The following WWOX variants were observed in gnomAD, a reference collection of about 807,000 sequenced individuals.
WWOX encodes the protein WW domain-containing oxidoreductase.
Under a neutral mutation model 46.2 loss-of-function variants are expected in WWOX, and 69 were observed. That is an observed-to-expected ratio of 1.49 (90% confidence interval 1.23 to 1.82). The LOEUF is 1.82. Ranked by LOEUF, WWOX falls within the 40% of genes most tolerant of loss-of-function variation. The pLI is 0.00. For missense variants in WWOX, 919 were observed against 542.6 expected (o/e 1.69, Z -6.89); for synonymous variants, 359 against 202.6 (o/e 1.77, Z -6.56).
chr16:78,541,758 G>T (rs145099488), intron 8 of WWOX, among the ~76,000 whole-genome samples: 1 of 151,858 alleles, frequency 6.6e-6, no homozygotes, highest in African/African-American at 2.4e-5. Context: ...ACCTCCCAGG[G>T]TTATATGTCA....
intron 5 of WWOX, among the ~76,000 whole-genome samples, chr16:78,242,152 C>G (rs1433003983): frequency 6.6e-6 from 1 of 152,116 alleles, no homozygotes; most frequent in South Asian, 2.1e-4. Context: ...GCTTCTGCCT[C>G]GGGTAGAAAT....
intron 5 of WWOX, among the ~76,000 whole-genome samples, chr16:78,271,943 G>C (rs1188576917): frequency 6.6e-6 from 1 of 152,142 alleles, no homozygotes; most frequent in Non-Finnish European, 1.5e-5. Context: ...TGTGCAGCCA[G>C]GTCAGGCAGA....
At chr16:78,479,030 C>G (rs2084423536) in intron 8 of WWOX, among the ~76,000 whole-genome samples, 1 of 152,070 alleles carries the variant, frequency 6.6e-6, no homozygotes, top group African/African-American at 2.4e-5. Context: ...GTAGGAATCA[C>G]CAATTTAGAT....
intron 8 of WWOX, among the ~76,000 whole-genome samples, chr16:79,163,394 C>G (rs1230936795): frequency 2.0e-5 from 3 of 152,152 alleles, no homozygotes; most frequent in African/African-American, 7.2e-5. Context: ...TAGGAATCGT[C>G]ATTAAGGCGC....
chr16:78,803,351 C>G (rs2050945896), intron 8 of WWOX, among the ~76,000 whole-genome samples: 1 of 151,802 alleles, frequency 6.6e-6, no homozygotes, highest in African/African-American at 2.4e-5. Context: ...GCTCTTCATT[C>G]TCAAGTGTAG....
At chr16:78,731,311 C>G (rs1015668270) in intron 8 of WWOX, among the ~76,000 whole-genome samples, 3 of 152,100 alleles carry the variant, frequency 2.0e-5, no homozygotes, top group Non-Finnish European at 2.9e-5. Context: ...ATGAAGCTGC[C>G]AATTCCTCTG....
chr16:78,832,240 G>T (rs1455456013), intron 8 of WWOX, among the ~76,000 whole-genome samples: 3 of 152,154 alleles, frequency 2.0e-5, no homozygotes, highest in Admixed American at 2.0e-4. Context: ...GGAGGCCTCA[G>T]TTCTTCACCA....
At chr16:78,667,670 CAAA>C (rs35375082) in intron 8 of WWOX, among the ~76,000 whole-genome samples, 45 of 61,302 alleles carry the variant, frequency 7.3e-4, no homozygotes, top group African/African-American at 2.2e-3. Flanking sequence ...GACTCCGTCT[CAAA>C]AAAAAAAAAA....
At chr16:78,352,526 A>G (rs2081206281) in intron 5 of WWOX, among the ~76,000 whole-genome samples, 1 of 152,150 alleles carries the variant, frequency 6.6e-6, no homozygotes, top group African/African-American at 2.4e-5. Flanking sequence ...AGTCCTTCTC[A>G]AACTGCCCTG....
At chr16:78,934,525 A>AG (rs2045695267) in intron 8 of WWOX, among the ~76,000 whole-genome samples, 1 of 150,398 alleles carries the variant, frequency 6.6e-6, no homozygotes, top group African/African-American at 2.4e-5. Flanking sequence ...AAAAAAAAAA[A>AG]AAAAAAGAAA....
intron 5 of WWOX, among the ~76,000 whole-genome samples, chr16:78,315,059 ATCAT>A (rs1567494838): frequency 6.6e-6 from 1 of 151,968 alleles, no homozygotes; most frequent in African/African-American, 2.4e-5. Flanking sequence ...CCATCTATCA[ATCAT>A]CTATCATCTA....
chr16:78,719,405 G>A (rs1186758583), intron 8 of WWOX, among the ~76,000 whole-genome samples: 2 of 152,212 alleles, frequency 1.3e-5, no homozygotes, highest in Admixed American at 1.3e-4. Context: ...ACAATAATCA[G>A]AAGCTTGCCT....
chr16:78,595,677 T>A (rs192358475), intron 8 of WWOX, among the ~76,000 whole-genome samples: 1 of 152,332 alleles, frequency 6.6e-6, no homozygotes, highest in African/African-American at 2.4e-5. Context: ...GGCCCTAGGA[T>A]GGCTCCTCAG....
At chr16:78,478,173 G>A (rs1279661752) in intron 8 of WWOX, among the ~76,000 whole-genome samples, 2 of 152,094 alleles carry the variant, frequency 1.3e-5, no homozygotes, top group African/African-American at 2.4e-5. Flanking sequence ...CAATTTTGAG[G>A]TTGTATACAA....
At position 78,438,123 on chromosome 16, in the gene WWOX, G is replaced by T. The variant is rs543850643; in HGVS notation, c.1056+5371G>T. Among the ~76,000 whole-genome samples, 18 of 152,214 alleles carry T rather than the reference G, an allele frequency of 1.2e-4. No homozygotes were observed. The East Asian group carries it at 3.5e-3, about 29-fold the overall frequency. On this transcript the variant is annotated intron_variant, in intron 8 of 8. Coordinates refer to ENST00000566780, the MANE Select transcript of WWOX (RefSeq NM_016373.4). Reference sequence around the variant, plus strand: ...ACACTTCCAAATAGAGATGCAGATTGACCATTTTCCCAGATACCACGATGC... The same window carrying T: ...ACACTTCCAAATAGAGATGCAGATTTACCATTTTCCCAGATACCACGATGC...
chr16:78,898,710 A>G (rs2044757288), intron 8 of WWOX: 1 of 152,152 alleles, frequency 6.6e-6, no homozygotes, highest in Non-Finnish European at 1.5e-5. Flanking sequence ...GAGGAGGATC[A>G]AAATCCTGAA....
chr16:79,117,047 AT>A (rs138859793), intron 8 of WWOX, among the ~76,000 whole-genome samples: 52 of 151,526 alleles, frequency 3.4e-4, no homozygotes, highest in African/African-American at 1.1e-3. Context: ...GAATATTTTT[AT>A]TTTTTTTATT....
At chr16:78,485,667 C>T (rs2151453794) in intron 8 of WWOX, among the ~76,000 whole-genome samples, 1 of 152,318 alleles carries the variant, frequency 6.6e-6, no homozygotes, top group Non-Finnish European at 1.5e-5. Flanking sequence ...CATCTGCTCA[C>T]AAGTGAGCAA....
At chr16:78,420,320 G>C (rs1469746704) in intron 6 of WWOX, among the ~76,000 whole-genome samples, 1 of 152,114 alleles carries the variant, frequency 6.6e-6, no homozygotes, top group Non-Finnish European at 1.5e-5. Flanking sequence ...ACAAATGAAT[G>C]TACATAGTAG....
Sources: allele counts gnomAD v4.1 joint callset (sites outside exome capture counted in the v4.1 genomes callset), GRCh38; gene constraint gnomAD v4.1.1; transcripts MANE v1.5; gene names NCBI Gene and HGNC (gene_info 2026-07-23, HGNC 2026-07-21).